CYTIP: variants seen among roughly 807,000 people sequenced by gnomAD.
The protein encoded by CYTIP is cytohesin-interacting protein.
In CYTIP, 26 loss-of-function variants were observed where a neutral mutation model predicts 43.8. That is an observed-to-expected ratio of 0.59 (90% CI 0.44 to 0.82). The LOEUF (loss-of-function observed/expected upper bound fraction) is 0.82. Ranked by LOEUF, CYTIP falls within the 40% of genes least tolerant of loss-of-function variation. CYTIP has a pLI of 0.00. For synonymous variants in CYTIP, 162 were observed against 162.9 expected, an observed-to-expected ratio of 0.99 and a Z score of 0.04; for missense variants, 426 against 443.1, an observed-to-expected ratio of 0.96 and a Z score of 0.35.
At chr2:157,439,160 C>T in intron 1 of CYTIP, 1 of 157,446 alleles carries the variant, frequency 6.4e-6, no homozygotes, top group East Asian at 1.9e-4. Context: ...GGGTTATCAG[C>T]AACACCAAAA....
At chr2:157,418,841 AC>A (rs1685479351) in intron 6 of CYTIP, among the ~76,000 whole-genome samples, 1 of 152,132 alleles carries the variant, frequency 6.6e-6, no homozygotes, top group Non-Finnish European at 1.5e-5. Flanking sequence ...AATAAAATAT[AC>A]TTTTATTTAA....
intron 1 of CYTIP, among the ~76,000 whole-genome samples, chr2:157,438,375 G>A (rs1415864078): frequency 6.6e-6 from 1 of 152,146 alleles, no homozygotes; most frequent in African/African-American, 2.4e-5. Context: ...AGGCTGGGAA[G>A]GGTTGGGGGA....
chr2:157,424,281 A>G (rs1002141814), intron 6 of CYTIP, among the ~76,000 whole-genome samples: 42 of 152,220 alleles, frequency 2.8e-4, no homozygotes, highest in African/African-American at 1.0e-3. Flanking sequence ...CACAGCACAG[A>G]AAAATTTATT....
At chr2:157,423,474 A>AACCAGAGG (rs1182365909) in intron 6 of CYTIP, among the ~76,000 whole-genome samples, 17 of 150,488 alleles carry the variant, frequency 1.1e-4, no homozygotes, top group South Asian at 4.3e-4. Flanking sequence ...TTTAAAAAAA[A>AACCAGAGG]CCAGAAATCC....
At chr2:157,435,218 A>C (rs1310816095) in intron 1 of CYTIP, among the ~76,000 whole-genome samples, 1 of 152,224 alleles carries the variant, frequency 6.6e-6, no homozygotes, top group Non-Finnish European at 1.5e-5. Context: ...AGAATGGCAT[A>C]TGAAACCCAA....
At chr2:157,418,854 CA>C (rs1311878761) in intron 6 of CYTIP, among the ~76,000 whole-genome samples, 8 of 152,006 alleles carry the variant, frequency 5.3e-5, no homozygotes, top group Admixed American at 4.6e-4. Flanking sequence ...TTTATTTAAA[CA>C]ATTATTTTAA....
At chr2:157,416,486 A>T (rs1453538262) in intron 7 of CYTIP, among the ~76,000 whole-genome samples, 1 of 152,212 alleles carries the variant, frequency 6.6e-6, no homozygotes, top group Non-Finnish European at 1.5e-5. Flanking sequence ...TCTTAAATTT[A>T]AATAACCCTG....
At chr2:157,427,790 C>T (rs752649354) in intron 5 of CYTIP, among the ~76,000 whole-genome samples, 57 of 152,164 alleles carry the variant, frequency 3.7e-4, no homozygotes, top group Admixed American at 3.9e-4. Context: ...ATTTATTGGG[C>T]ATCTACTATG....
chr2:157,434,568 CTG>C (rs1685776185), intron 2 of CYTIP, 128 bp downstream of exon 2: 2 of 860,154 alleles, frequency 2.3e-6, no homozygotes, highest in Admixed American at 2.3e-5. Flanking sequence ...GTGTGTGTGT[CTG>C]TGTGTGTGCG....
chr2:157,434,666 G>A, intron 2 of CYTIP, 32 bp downstream of exon 2: 1 of 1,527,122 alleles, frequency 6.5e-7, no homozygotes, highest in Non-Finnish European at 9.1e-7. Context: ...TAAATATTTT[G>A]GGAGAGACAA....
Position 157,424,326 on chromosome 2 carries a change from T to C in CYTIP, c.546+3025A>G, listed in dbSNP as rs116733131. Among the ~76,000 whole-genome samples the C allele has an allele frequency of 8.9e-4, 135 of 152,258 alleles. 1 individual carries two copies. The highest frequency in any genetic ancestry group is 3.1e-3 in the African/African-American group (129 of 41,552). ...TATTAACGTCAATCAAAGCATTAGT[T>C]TTTGTAAAGAAACGATAATAAGAAC... On this transcript the variant is annotated intron_variant, in intron 6 of 7. Transcript: ENST00000264192.
In CYTIP at chr2:157,416,053, A is replaced by C; in HGVS notation, c.704T>G (p.Val235Gly). The C allele has an allele frequency of 6.2e-7, 1 of 1,614,222 alleles. No homozygotes were observed. The highest frequency in any genetic ancestry group is 8.5e-7 in the Non-Finnish European group (1 of 1,180,040). The change falls in exon 8 of 8, where the codon GTG (valine) becomes GGG (glycine). Residue 235 changes from valine to glycine, a missense_variant. Coordinates refer to ENST00000264192, the MANE Select transcript of CYTIP (RefSeq NM_004288.5). ...CTCACTGGATAATCGATTCCGGTCC[A>C]CAAGGGCTGGGCCTGGCCCAGGCAG... The part of the protein sequence containing the change: ...GPLPGPGPAL[V>G]DRNRLSSESS...
chr2:157,424,796 T>G (rs1439607703), intron 6 of CYTIP, among the ~76,000 whole-genome samples: 1 of 152,180 alleles, frequency 6.6e-6, no homozygotes, highest in Non-Finnish European at 1.5e-5. Flanking sequence ...AGAATAACTG[T>G]GCCCAATGTG....
chr2:157,434,480 G>C (rs1431097372), intron 2 of CYTIP, 56 bp from the exon 3 acceptor site: 1 of 1,317,026 alleles, frequency 7.6e-7, no homozygotes, highest in Non-Finnish European at 1.1e-6. Context: ...ATCACATTTG[G>C]CACAGATCTA....
In CYTIP at chr2:157,430,648, A is replaced by G; in HGVS notation, c.387T>C (p.Asp129=). 6.2e-7 allele frequency: 1 copy of G among 1,614,108 alleles called. No individual in the cohort carries two copies. The highest frequency in any genetic ancestry group is 8.5e-7 in the Non-Finnish European group (1 of 1,179,938). ...TCACACCATTGATATTTGCAAGGAC[A>G]TCACCTGGGAGATGCCAAGAAAAAT... ...PAHCAGLQAG[D]VLANINGVST... Residue 129 remains aspartate, a synonymous_variant, in exon 5 of 8, where the codon GAT becomes GAC. Coordinates refer to ENST00000264192, the MANE Select transcript of CYTIP (RefSeq NM_004288.5).
chr2:157,424,145 C>T (rs1039680163), intron 6 of CYTIP, among the ~76,000 whole-genome samples: 1 of 152,052 alleles, frequency 6.6e-6, no homozygotes. Flanking sequence ...GAAAAAGAAC[C>T]AAAACTCATT....
chr2:157,425,317 T>A (rs155617), intron 6 of CYTIP, among the ~76,000 whole-genome samples: 142,702 of 152,266 alleles, frequency 0.94, 67,157 homozygotes, highest in Non-Finnish European at 0.98. Context: ...AGCAAGAAAG[T>A]AAGTAAACCT....
At chr2:157,426,299 G>C (rs1685606483) in intron 6 of CYTIP, among the ~76,000 whole-genome samples, 1 of 152,110 alleles carries the variant, frequency 6.6e-6, no homozygotes, top group Non-Finnish European at 1.5e-5. Context: ...GATTTTAATT[G>C]CTCTCATTTA....
chr2:157,417,474 A>G (rs915459946), intron 7 of CYTIP, among the ~76,000 whole-genome samples: 7 of 152,228 alleles, frequency 4.6e-5, no homozygotes, highest in African/African-American at 1.7e-4. Context: ...TGGGCCATTC[A>G]GGATGCTCCA....
Sources: gnomAD v4.1 joint callset for allele counts (sites outside exome capture counted in the v4.1 genomes callset) on GRCh38, gnomAD v4.1.1 for gene constraint, MANE v1.5 for transcripts, NCBI Gene and HGNC (gene_info 2026-07-23, HGNC 2026-07-21) for gene names.